CYP3A5: variants seen among roughly 807,000 people sequenced by gnomAD.
CYP3A5 encodes cytochrome P450 3A5.
A neutral mutation model predicts 55.9 loss-of-function variants in CYP3A5; 51 were observed. That is an observed-to-expected ratio of 0.91 (90% CI 0.73 to 1.15). The LOEUF is 1.15. CYP3A5 is among the 50% of genes most tolerant of loss of function. CYP3A5 has a pLI of 0.00. For missense variants in CYP3A5, 533 were observed against 596.6 expected (o/e 0.89, Z 1.11); for synonymous variants, 196 against 213.9 (o/e 0.92, Z 0.73).
intron 2 of CYP3A5, among the ~76,000 whole-genome samples, chr7:99,675,538 T>C (rs1412921037): frequency 1.3e-5 from 2 of 151,136 alleles, no homozygotes; most frequent in African/African-American, 4.9e-5. Context: ...GGACATGAGC[T>C]TGTGACTTTC....
intron 10 of CYP3A5, among the ~76,000 whole-genome samples, chr7:99,657,809 G>A (rs1215354971): frequency 1.3e-5 from 2 of 152,150 alleles, no homozygotes; most frequent in African/African-American, 4.8e-5. Context: ...AGCTCTTCTT[G>A]TTGAATTGAT....
At chr7:99,649,122 G>A (rs1808904322) in intron 12 of CYP3A5, among the ~76,000 whole-genome samples, 1 of 152,150 alleles carries the variant, frequency 6.6e-6, no homozygotes. Context: ...ACAAAGAAGT[G>A]CCAGCCTGAG....
At chr7:99,679,243 G>A (rs1812591509) in intron 1 of CYP3A5, among the ~76,000 whole-genome samples, 1 of 152,134 alleles carries the variant, frequency 6.6e-6, no homozygotes, top group African/African-American at 2.4e-5. Context: ...TCAGGGGCAT[G>A]GCACAGGAAA....
intron 6 of CYP3A5, 45 bp from the exon 7 acceptor site, chr7:99,665,359 C>T (rs758867661): frequency 7.5e-6 from 12 of 1,609,480 alleles, no homozygotes; most frequent in East Asian, 2.2e-5. Flanking sequence ...CACCTCTTAC[C>T]GTCCTTCCAC....
intron 4 of CYP3A5, among the ~76,000 whole-genome samples, chr7:99,672,149 T>G (rs1184446838): frequency 6.6e-6 from 1 of 152,138 alleles, no homozygotes; most frequent in African/African-American, 2.4e-5. Context: ...CCTCCCAGGT[T>G]CAAGCGATTC....
Position 99,653,583 on chromosome 7 carries a change from A to G in CYP3A5, c.1027-804T>C, listed in dbSNP as rs1809399073. ...CACAATTTGAGTTCTAGTTAAAGTT[A>G]TGAAGAGAATAGAACCCCACACTCA... On this transcript the variant is annotated intron_variant, in intron 10 of 12. Coordinates refer to ENST00000222982, the MANE Select transcript of CYP3A5 (RefSeq NM_000777.5). This position sits in a 1 kb window ranked among gnomAD's most constrained non-coding sequence, Gnocchi z 4.2. 6.6e-6 allele frequency among the ~76,000 whole-genome samples: 1 copy of G among 152,230 alleles called. No individual in the cohort carries two copies. Among genetic ancestry groups the G allele is most frequent in the Admixed American group, 6.5e-5 (1 of 15,292 alleles).
At chr7:99,672,510 T>C (rs769852801) in intron 4 of CYP3A5, 70 bp downstream of exon 4, 10 of 1,338,862 alleles carry the variant, frequency 7.5e-6, no homozygotes, top group Non-Finnish European at 1.1e-5. Flanking sequence ...TGTGAATATA[T>C]GTTTTTTTCA....
At chr7:99,675,121 AAGTG>A (rs1406957374) in intron 2 of CYP3A5, among the ~76,000 whole-genome samples, 2 of 152,370 alleles carry the variant, frequency 1.3e-5, no homozygotes, top group East Asian at 3.9e-4. Flanking sequence ...TTGAGTGAGA[AAGTG>A]AGTGAGTGAA....
intron 8 of CYP3A5, chr7:99,663,420 T>TA (rs927071759): frequency 7.1e-6 from 7 of 990,526 alleles, no homozygotes; most frequent in Admixed American, 1.2e-4. Flanking sequence ...GGCTGGCCTC[T>TA]AGGGCTCGTG....
At chr7:99,660,268 G>A in intron 10 of CYP3A5, 1 of 157,986 alleles carries the variant, frequency 6.3e-6, no homozygotes, top group Non-Finnish European at 1.1e-5. Flanking sequence ...TGTGATAACA[G>A]TAAACAGGTG....
chr7:99,676,623 A>T, intron 1 of CYP3A5: 1 of 1,181,214 alleles, frequency 8.5e-7, no homozygotes, highest in Non-Finnish European at 1.2e-6. Context: ...ACTGATGATG[A>T]GATTTTGCAT....
Position 99,652,740 on chromosome 7 carries a change from G to A in CYP3A5, c.1066C>T (p.Leu356Phe). The part of the protein sequence containing the change: ...TYDAVVQMEY[L>F]DMVVNETLRL... ...AGTGTTTCATTCACCACCATGTCAA[G>A]GTACTCCATCTGTACCACGGCATCA... The change falls in exon 11 of 13, where the codon CTT becomes TTT. Residue 356 changes from leucine (L) to phenylalanine (F), a missense_variant. By Grantham distance (22) the Leu-to-Phe change is conservative (BLOSUM62 0). Transcript: ENST00000222982. The A allele has an allele frequency of 6.2e-7, 1 of 1,614,024 alleles. No homozygotes were observed. The highest frequency in any genetic ancestry group is 8.5e-7 in the Non-Finnish European group (1 of 1,179,992).
chr7:99,660,326 G>C (rs1810302897), intron 10 of CYP3A5, 173 bp downstream of exon 10: 5 of 1,206,004 alleles, frequency 4.1e-6, no homozygotes, highest in Admixed American at 4.2e-5. Flanking sequence ...TCTGCCAGTA[G>C]CAACCGTTCT....
chr7:99,655,182 G>C (rs936266477), intron 10 of CYP3A5, among the ~76,000 whole-genome samples: 2 of 152,110 alleles, frequency 1.3e-5, no homozygotes, highest in Non-Finnish European at 2.9e-5. Context: ...ATATTGCCTA[G>C]GTTTTCTTCT....
chr7:99,672,928 A>C (rs1811817734), intron 3 of CYP3A5: 58 of 1,288,114 alleles, frequency 4.5e-5, no homozygotes, highest in Admixed American at 1.1e-4. Flanking sequence ...GAAAGACAAA[A>C]GAGCTCTTTA....
At position 99,672,609 on chromosome 7, in the gene CYP3A5, C is replaced by A. The variant is rs763263522; in HGVS notation, c.289G>T (p.Glu97Ter). Reference protein sequence around the residue: ...PDVIRTVLVKECYSVFTNRRS... With the variant: ...PDVIRTVLVK Reference sequence around the variant, plus strand: ...CGATTTGTGAAGACAGAATAACATTCTTTCACTAGCACTGTTCTGATCACG... The same window carrying A: ...CGATTTGTGAAGACAGAATAACATTATTTCACTAGCACTGTTCTGATCACG... Residue 97 changes from glutamate (E) to a stop codon, truncating the protein, a stop_gained, in exon 4 of 13, where the codon GAA (glutamate) becomes TAA (stop). Coordinates refer to ENST00000222982, the MANE Select transcript of CYP3A5 (RefSeq NM_000777.5). LOFTEE classifies it high-confidence loss of function. 2 of 1,613,904 alleles carry A rather than the reference C, an allele frequency of 1.2e-6. No individual in the cohort carries two copies. Among genetic ancestry groups the A allele is most frequent in the African/African-American group, 1.3e-5 (1 of 74,882 alleles).
At chr7:99,660,178 G>C in intron 10 of CYP3A5, 3 of 972,748 alleles carry the variant, frequency 3.1e-6, no homozygotes, top group Non-Finnish European at 3.7e-6. Context: ...CTGTAGACTG[G>C]AGCTGTTCCT....
rs760789444 is a variant in CYP3A5, at chr7:99,652,797, G to T, written c.1027-18C>A. 9 of 1,595,084 alleles carry T rather than the reference G, an allele frequency of 5.6e-6. No individual in the cohort carries two copies. The South Asian group carries it at 8.9e-5, about 16-fold the overall frequency. On this transcript the variant is annotated intron_variant, in intron 10 of 12. Transcript: ENST00000222982. Reference sequence around the variant, plus strand: ...GGTGGTGCCTGGAAGGAAAGAAACAGAATTGGATAATCTGAGATTTTGAAT... The same window carrying T: ...GGTGGTGCCTGGAAGGAAAGAAACATAATTGGATAATCTGAGATTTTGAAT...
At chr7:99,665,410 A>G (rs926978481) in intron 6 of CYP3A5, 96 bp from the exon 7 acceptor site, 9 of 1,491,876 alleles carry the variant, frequency 6.0e-6, no homozygotes, top group Non-Finnish European at 8.4e-6. Flanking sequence ...GTCAAGACAC[A>G]TAAAGAGCCA....
Sources: gnomAD v4.1 joint callset for allele counts (sites outside exome capture counted in the v4.1 genomes callset) on GRCh38, gnomAD v4.1.1 for gene constraint, Gnocchi (gnomAD v3.1) non-coding constraint, MANE v1.5 for transcripts, NCBI Gene and HGNC (gene_info 2026-07-23, HGNC 2026-07-21) for gene names.